Variants in MGST1 observed in about 807,000 individuals in gnomAD.
The protein encoded by MGST1 is microsomal glutathione S-transferase 1, also known as glutathione S-transferase 12.
MGST1 carries 5 observed loss-of-function variants against 8.9 expected under a neutral mutation model. The observed-to-expected ratio is 0.56, with a 90% confidence interval of 0.29 to 1.19. The LOEUF (loss-of-function observed/expected upper bound fraction) is 1.19. Among genes scored for constraint, MGST1 ranks in the 50% most tolerant of loss-of-function variants. The pLI is 0.08. For missense variants in MGST1, 182 were observed against 187.4 expected (o/e 0.97, Z 0.17); for synonymous variants, 54 against 67.8 (o/e 0.80, Z 1.00).
At chr12:16,480,959 T>C (rs528034929) in intron 4 of MGST1, among the ~76,000 whole-genome samples, 1 of 152,140 alleles carries the variant, frequency 6.6e-6, no homozygotes, top group Non-Finnish European at 1.5e-5. Flanking sequence ...TGAAAATGTT[T>C]AAAAACATTT....
intron 2 of MGST1, among the ~76,000 whole-genome samples, chr12:16,355,376 T>C (rs890634810): frequency 6.6e-6 from 1 of 151,822 alleles, no homozygotes; most frequent in Non-Finnish European, 1.5e-5. Context: ...GCCCAGTTGA[T>C]TTTTGTGTTT....
At chr12:16,508,509 TAATA>T (rs1208971601) in intron 4 of MGST1, among the ~76,000 whole-genome samples, 3 of 152,214 alleles carry the variant, frequency 2.0e-5, no homozygotes, top group African/African-American at 7.2e-5. Context: ...AGTTGTTGCC[TAATA>T]AATGTTAGTA....
At chr12:16,454,759 T>C (rs1301784381) in intron 4 of MGST1, among the ~76,000 whole-genome samples, 1 of 150,210 alleles carries the variant, frequency 6.7e-6, no homozygotes, top group Non-Finnish European at 1.5e-5. Flanking sequence ...AGCATGTGAG[T>C]AGAAATGTTC....
At chr12:16,351,586 G>T (rs1188173553) in intron 1 of MGST1, among the ~76,000 whole-genome samples, 1 of 152,086 alleles carries the variant, frequency 6.6e-6, no homozygotes. Context: ...GAGGCGGGTG[G>T]ATCACCTGAG....
chr12:16,438,763 A>G (rs1941013165), downstream of MGST1: 1 of 151,856 alleles, frequency 6.6e-6, no homozygotes, highest in Non-Finnish European at 1.5e-5. Flanking sequence ...AAAGGCCACA[A>G]CTAACTGTTT....
At chr12:16,409,373 G>A (rs997425328) in intron 1 of MGST1, among the ~76,000 whole-genome samples, 3 of 152,030 alleles carry the variant, frequency 2.0e-5, no homozygotes, top group African/African-American at 7.2e-5. Context: ...AGAAAACAGA[G>A]CCTTTATTAC....
At chr12:16,374,673 T>C (rs1940352020) in intron 3 of MGST1, among the ~76,000 whole-genome samples, 1 of 152,182 alleles carries the variant, frequency 6.6e-6, no homozygotes, top group Non-Finnish European at 1.5e-5. Context: ...CCATTTTTAA[T>C]AGCAAGCGAA....
chr12:16,541,132 TAA>T (rs1014057828), intron 4 of MGST1, among the ~76,000 whole-genome samples: 1 of 152,218 alleles, frequency 6.6e-6, no homozygotes, highest in Non-Finnish European at 1.5e-5. Flanking sequence ...ATACTTTCAT[TAA>T]AAAGTCTATT....
intron 4 of MGST1, chr12:16,551,028 A>T: frequency 2.0e-6 from 1 of 495,956 alleles, no homozygotes; most frequent in Non-Finnish European, 3.6e-6. Context: ...TTTCTTTAAT[A>T]ATAAACATTC....
rs770977706 is a variant in MGST1 at position 16,587,826 on chromosome 12, G to C, written n.483-1702G>C. On this transcript the variant is annotated intron_variant and non_coding_transcript_variant, in intron 4 of 4. Coordinates refer to the MGST1 transcript ENST00000538857. This position sits in a 1 kb window ranked among gnomAD's most constrained non-coding sequence, Gnocchi z 4.3. ...GAATGGGGGGTTTCAGGGGGAGGGA[G>C]AGGAACCTTGTCTCATATTAATGCT... is the stretch of plus-strand genomic sequence containing the variant. Among the ~76,000 whole-genome samples the C allele has an allele frequency of 2.6e-5, 4 of 152,058 alleles. No homozygotes were observed. Among genetic ancestry groups the C allele is most frequent in the South Asian group, 2.1e-4 (1 of 4,822 alleles).
intron 1 of MGST1, among the ~76,000 whole-genome samples, chr12:16,351,462 G>GC (rs1432197932): frequency 4.6e-5 from 7 of 152,116 alleles, no homozygotes; most frequent in Non-Finnish European, 1.5e-5. Flanking sequence ...AAAACCTTGC[G>GC]CATGTAGTTT....
chr12:16,436,848 T>C (rs576004923), intron 1 of MGST1, among the ~76,000 whole-genome samples: 2 of 152,136 alleles, frequency 1.3e-5, no homozygotes, highest in East Asian at 3.9e-4. Flanking sequence ...TCAGCATCTA[T>C]GCTCTTAACC....
At chr12:16,510,082 C>T (rs1379568488) in intron 4 of MGST1, among the ~76,000 whole-genome samples, 1 of 152,192 alleles carries the variant, frequency 6.6e-6, no homozygotes, top group Non-Finnish European at 1.5e-5. Flanking sequence ...GTTATTTTCT[C>T]ACACAAACCT....
At chr12:16,564,271 A>C (rs1459659425) in intron 4 of MGST1, among the ~76,000 whole-genome samples, 171 of 152,336 alleles carry the variant, frequency 1.1e-3, no homozygotes, top group African/African-American at 3.9e-3. Context: ...ATGCACAGAG[A>C]AATATTTAAT....
chr12:16,432,045 T>C (rs1940943407), intron 1 of MGST1, among the ~76,000 whole-genome samples: 1 of 152,212 alleles, frequency 6.6e-6, no homozygotes, highest in Non-Finnish European at 1.5e-5. Context: ...TCAATACTAC[T>C]ACTTGATGTG....
chr12:16,571,973 G>A (rs953848886), intron 4 of MGST1, among the ~76,000 whole-genome samples: 2 of 151,604 alleles, frequency 1.3e-5, no homozygotes, highest in Admixed American at 6.6e-5. Context: ...CCTCAAAGTG[G>A]GATTTAAGAG....
intron 1 of MGST1, among the ~76,000 whole-genome samples, chr12:16,385,058 C>T (rs891443282): frequency 2.6e-5 from 4 of 152,208 alleles, no homozygotes; most frequent in African/African-American, 9.6e-5. Flanking sequence ...AGAAAACAGC[C>T]CATGGATTTC....
chr12:16,372,128 G>T (rs573373193), intron 3 of MGST1, among the ~76,000 whole-genome samples: 1 of 152,168 alleles, frequency 6.6e-6, no homozygotes, highest in South Asian at 2.1e-4. Context: ...GTCTGGCAAA[G>T]ATTTCTTGAC....
At chr12:16,353,166 CG>C (rs1269450866) in intron 1 of MGST1, among the ~76,000 whole-genome samples, 1 of 151,836 alleles carries the variant, frequency 6.6e-6, no homozygotes, top group African/African-American at 2.4e-5. Context: ...CCCAAGCAGC[CG>C]GGACTACAGG....
Sources: gnomAD v4.1 joint callset for allele counts (sites outside exome capture counted in the v4.1 genomes callset) on GRCh38, gnomAD v4.1.1 for gene constraint, Gnocchi (gnomAD v3.1) non-coding constraint, MANE v1.5 for transcripts, NCBI Gene and HGNC (gene_info 2026-07-23, HGNC 2026-07-21) for gene names.